GRID2: variants seen among roughly 807,000 people sequenced by gnomAD.
GRID2 encodes glutamate receptor ionotropic, delta-2.
GRID2 carries 33 observed loss-of-function variants against 114.8 expected under a neutral mutation model. The observed-to-expected ratio is 0.29, with a 90% confidence interval of 0.22 to 0.38. The LOEUF is 0.38. Ranked by LOEUF, GRID2 falls within the 10% of genes least tolerant of loss-of-function variation. GRID2 has a pLI of 1.00. For synonymous variants in GRID2, 505 were observed against 449.9 expected (o/e 1.12, Z -1.55); for missense variants, 1,184 against 1,257.7 (o/e 0.94, Z 0.89).
chr4:93,719,456 TAG>T (rs1729173694), intron 14 of GRID2, among the ~76,000 whole-genome samples: 1 of 152,156 alleles, frequency 6.6e-6, no homozygotes, highest in East Asian at 1.9e-4. Flanking sequence ...CATCTTTTTA[TAG>T]ATAAAGTGAT....
chr4:92,604,432 A>C (rs1729360143), intron 2 of GRID2, among the ~76,000 whole-genome samples: 1 of 152,102 alleles, frequency 6.6e-6, no homozygotes, highest in African/African-American at 2.4e-5. Flanking sequence ...GCAAACTAAC[A>C]CAGGAACAGA....
chr4:93,185,626 C>T (rs1033499472), intron 4 of GRID2, among the ~76,000 whole-genome samples: 10 of 152,056 alleles, frequency 6.6e-5, no homozygotes, highest in African/African-American at 1.9e-4. Flanking sequence ...ATATTAATGA[C>T]ACTTCAATGT....
intron 2 of GRID2, among the ~76,000 whole-genome samples, chr4:92,713,280 CAAAAT>C (rs1014816447): frequency 9.3e-5 from 14 of 150,236 alleles, no homozygotes; most frequent in African/African-American, 2.4e-5. Flanking sequence ...CATAAAATGA[CAAAAT>C]AAGAGCTAAA....
rs537377434 is a variant in GRID2, at chr4:92,611,739, A to G, written c.244+21453A>G. 3.3e-5 allele frequency among the ~76,000 whole-genome samples: 5 copies of G among 151,640 alleles called. 1 individual carries two copies. Among genetic ancestry groups the G allele is most frequent in the African/African-American group, 1.2e-4 (5 of 41,488 alleles). ...GTATCTGATTATTGTTTTACTTTGTATTTCTCTAATGATTAGTGACATTGA... is the reference window on the plus strand; with the variant it reads ...GTATCTGATTATTGTTTTACTTTGTGTTTCTCTAATGATTAGTGACATTGA... On this transcript the variant is annotated intron_variant, in intron 2 of 15. Transcript: ENST00000282020.
chr4:93,668,146 A>G (rs1724103789), intron 14 of GRID2, among the ~76,000 whole-genome samples: 1 of 151,998 alleles, frequency 6.6e-6, no homozygotes, highest in Non-Finnish European at 1.5e-5. Context: ...TTACTGTCAG[A>G]TAATTTTTAT....
intron 2 of GRID2, among the ~76,000 whole-genome samples, chr4:92,680,552 G>A (rs1733603085): frequency 6.6e-6 from 1 of 152,114 alleles, no homozygotes. Context: ...GGAAGCTTTA[G>A]GGAGAAGTAG....
At chr4:92,514,986 G>C (rs1343824044) in intron 1 of GRID2, among the ~76,000 whole-genome samples, 2 of 151,704 alleles carry the variant, frequency 1.3e-5, no homozygotes, top group Non-Finnish European at 2.9e-5. Context: ...CCTATATCAG[G>C]TCTCCATCCA....
chr4:92,708,071 A>G (rs1735041176), intron 2 of GRID2, among the ~76,000 whole-genome samples: 1 of 152,122 alleles, frequency 6.6e-6, no homozygotes, highest in South Asian at 2.1e-4. Flanking sequence ...AAACAGAGGA[A>G]AGTTAAGAGA....
In GRID2 at chr4:93,771,947, C is replaced by T. The variant is rs1734142550; in HGVS notation, c.2602-129C>T. 4.8e-6 allele frequency: 3 copies of T among 623,628 alleles called. No individual in the cohort carries two copies. In the East Asian group the frequency reaches 8.2e-5, roughly 17 times the overall value. The allele number at this position is 623,628 out of a possible 1,614,324, so 38.6% of individuals were successfully genotyped here. On this transcript the variant is annotated intron_variant, in intron 15 of 15. Coordinates refer to ENST00000282020, the MANE Select transcript of GRID2 (RefSeq NM_001510.4). ...CAGTGCCTGGCTCATACTAGGTGCT[C>T]AATAAATATTTGTTAAATGAATAAA... is the stretch of plus-strand genomic sequence containing the variant.
chr4:92,930,552 A>T (rs913927210), intron 2 of GRID2, among the ~76,000 whole-genome samples: 9 of 146,430 alleles, frequency 6.1e-5, no homozygotes, highest in Admixed American at 4.1e-4. Flanking sequence ...AATTGGAAAG[A>T]TTCTTTATCT....
At chr4:92,714,103 T>G (rs966414527) in intron 2 of GRID2, among the ~76,000 whole-genome samples, 1 of 152,158 alleles carries the variant, frequency 6.6e-6, no homozygotes, top group Non-Finnish European at 1.5e-5. Context: ...AGTTACTTCC[T>G]AGATACAATG....
chr4:93,551,189 G>A (rs1159966444), intron 13 of GRID2, among the ~76,000 whole-genome samples: 1 of 152,224 alleles, frequency 6.6e-6, no homozygotes, highest in African/African-American at 2.4e-5. Flanking sequence ...AGGTAACCAT[G>A]TGGAGGAAAT....
intron 1 of GRID2, among the ~76,000 whole-genome samples, chr4:92,549,490 C>T (rs1318382119): frequency 1.3e-5 from 2 of 152,092 alleles, no homozygotes; most frequent in African/African-American, 4.8e-5. Flanking sequence ...AATTCTTAGT[C>T]TTAGAAAATT....
chr4:92,740,672 C>CATAG (rs146022855), intron 2 of GRID2, among the ~76,000 whole-genome samples: 2,534 of 85,820 alleles, frequency 0.03, 58 homozygotes, highest in African/African-American at 0.07. Flanking sequence ...GTTTATTCTG[C>CATAG]ATAGATAGAT....
chr4:93,131,581 T>C lies in GRID2; in HGVS notation c.735+20628T>C, dbSNP rs1383728214. Among the ~76,000 whole-genome samples the C allele has an allele frequency of 2.4e-5, 3 of 124,284 alleles. No individual in the cohort carries two copies. In the East Asian group the frequency reaches 7.3e-4, roughly 30 times the overall value. The allele number at this position is 124,284 out of a possible 152,430, so 81.5% of individuals were successfully genotyped here. A position where few individuals can be genotyped will look rare whatever the true frequency, so the allele number is the denominator to read the frequency against. On this transcript the variant is annotated intron_variant, in intron 4 of 15. Transcript: ENST00000282020. ...GTTTTCATTATCCAGGTTGAAATTT[T>C]TAAAAATTAAAAATTAAAAATTTTA...
intron 4 of GRID2, among the ~76,000 whole-genome samples, chr4:93,164,155 G>C (rs72666908): frequency 0.078 from 11,760 of 151,594 alleles, 523 homozygotes; most frequent in East Asian, 0.22. Context: ...CCAAGCCCGG[G>C]GGGGGAAAAA....
chr4:93,674,408 C>A (rs1290970595), intron 14 of GRID2, among the ~76,000 whole-genome samples: 1 of 152,104 alleles, frequency 6.6e-6, no homozygotes, highest in East Asian at 1.9e-4. Context: ...TGGAATTAAT[C>A]TATTATTTTC....
chr4:92,821,709 A>G (rs1308626464), intron 2 of GRID2, among the ~76,000 whole-genome samples: 1 of 152,154 alleles, frequency 6.6e-6, no homozygotes, highest in African/African-American at 2.4e-5. Context: ...GCACCATAAA[A>G]GCTATTTTAA....
At chr4:92,922,722 A>G (rs199640730) in intron 2 of GRID2, among the ~76,000 whole-genome samples, 92 of 152,226 alleles carry the variant, frequency 6.0e-4, no homozygotes, top group Non-Finnish European at 1.2e-3. Context: ...CTGCAAATCA[A>G]TGAAAATGAA....
Sources: allele counts gnomAD v4.1 joint callset (sites outside exome capture counted in the v4.1 genomes callset), GRCh38; gene constraint gnomAD v4.1.1; transcripts MANE v1.5; gene names NCBI Gene and HGNC (gene_info 2026-07-23, HGNC 2026-07-21).